Variants in SRGAP3 observed in about 807,000 individuals in gnomAD.
The protein encoded by SRGAP3 is SLIT-ROBO Rho GTPase activating protein 3.
SRGAP3 carries 39 observed loss-of-function variants against 121.1 expected under a neutral mutation model. The ratio of observed to expected loss-of-function variants is 0.32; its 90% CI spans 0.25 to 0.42. The LOEUF (loss-of-function observed/expected upper bound fraction) is 0.42, where lower values mean the gene tolerates loss of function less well. Among genes scored for constraint, SRGAP3 ranks in the 10% least tolerant of loss-of-function variants. The probability of loss-of-function intolerance (pLI) is 1.00; values close to 1 mark genes in which losing one functional copy is unlikely to be tolerated. For synonymous variants in SRGAP3, 601 were observed against 570.0 expected, an observed-to-expected ratio of 1.05 and a Z score of -0.77; for missense variants, 1,213 against 1,470.6, an observed-to-expected ratio of 0.82 and a Z score of 2.86.
chr3:9,159,011 T>C (rs190130142), intron 1 of SRGAP3, among the ~76,000 whole-genome samples: 1 of 152,310 alleles, frequency 6.6e-6, no homozygotes, highest in Non-Finnish European at 1.5e-5. Context: ...ATGCCTGAGA[T>C]GGAGCTCCTC....
rs772464444 is a variant in SRGAP3 at position 8,985,787 on chromosome 3, C to G, written c.3032G>C (p.Ser1011Thr). 4 of 1,600,344 alleles carry G rather than the reference C, an allele frequency of 2.5e-6. No homozygotes were observed. Among genetic ancestry groups the G allele is most frequent in the Non-Finnish European group, 3.4e-6 (4 of 1,179,840 alleles). ...PPGPVSSEPASPLHTIVIRDP... is the reference protein window; with the variant it reads ...PPGPVSSEPATPLHTIVIRDP... ...GCGGATGACGATGGTGTGAAGGGGA[C>G]TGGCGGGCTCCGAGCTGACGGGGCC... The change falls in exon 22 of 22, where the codon AGT (serine) becomes ACT (threonine). Residue 1011 changes from serine to threonine, a missense_variant. Coordinates refer to ENST00000383836, the MANE Select transcript of SRGAP3 (RefSeq NM_014850.4). This position sits in a 1 kb window ranked among gnomAD's most constrained non-coding sequence, Gnocchi z 5.1.
intron 11 of SRGAP3, chr3:9,035,047 G>C (rs1263450193): frequency 6.6e-6 from 1 of 152,000 alleles, no homozygotes; most frequent in Non-Finnish European, 1.5e-5. Context: ...GAAGAAACTT[G>C]CCTAAGGTCA....
intron 2 of SRGAP3, among the ~76,000 whole-genome samples, chr3:9,111,767 T>C (rs1029351688): frequency 1.3e-5 from 2 of 152,186 alleles, no homozygotes; most frequent in Admixed American, 6.5e-5. Context: ...TGCAGCCTCA[T>C]TTTTGGAAGA....
chr3:9,041,042 A>C (rs1559982624), intron 10 of SRGAP3, among the ~76,000 whole-genome samples: 1 of 152,256 alleles, frequency 6.6e-6, no homozygotes, highest in South Asian at 2.1e-4. Flanking sequence ...TGAATGAACA[A>C]GTGCTCTATC....
In SRGAP3 at chr3:9,058,570, A is replaced by G. The variant is rs1945952799; in HGVS notation, c.802-98T>C. 5 of 1,277,958 alleles carry G rather than the reference A, an allele frequency of 3.9e-6. No homozygotes were observed. The Admixed American group carries it at 8.9e-5, about 23-fold the overall frequency. The allele number at this position is 1,277,958 out of a possible 1,614,324, so 79.2% of individuals were successfully genotyped here. A position where few individuals can be genotyped will look rare whatever the true frequency, so the allele number is the denominator to read the frequency against. ...GTGACTTACAATTACCTCCCTTTCC[A>G]CAGCCGAATCTTCCATCCCGGAGGC... On this transcript the variant is annotated intron_variant, in intron 6 of 21. Transcript: ENST00000383836.
chr3:9,027,443 CA>C (rs2125075063), intron 12 of SRGAP3, among the ~76,000 whole-genome samples: 1 of 152,238 alleles, frequency 6.6e-6, no homozygotes, highest in African/African-American at 2.4e-5. Flanking sequence ...AAGGGCACAC[CA>C]GGGGGGAAGC....
At chr3:9,203,595 G>A (rs1325394206) in intron 1 of SRGAP3, among the ~76,000 whole-genome samples, 1 of 152,072 alleles carries the variant, frequency 6.6e-6, no homozygotes, top group East Asian at 1.9e-4. Context: ...CACCCTTACT[G>A]CAGCTGCTAC....
At chr3:9,318,756 G>A (rs1034611821) in intron 3 of SRGAP3, among the ~76,000 whole-genome samples, 1 of 151,526 alleles carries the variant, frequency 6.6e-6, no homozygotes, top group Admixed American at 6.6e-5. Context: ...GCATGTGCCT[G>A]TAGTTGTAGC....
chr3:9,335,674 C>T (rs547212720), intron 1 of SRGAP3, among the ~76,000 whole-genome samples: 2 of 152,154 alleles, frequency 1.3e-5, no homozygotes, highest in Admixed American at 6.5e-5. Flanking sequence ...CACCCCAGAC[C>T]TACTGATTCT....
At chr3:9,199,045 C>T (rs1484123221) in intron 1 of SRGAP3, among the ~76,000 whole-genome samples, 2 of 152,114 alleles carry the variant, frequency 1.3e-5, no homozygotes, top group East Asian at 3.9e-4. Context: ...TCCTTCCTGT[C>T]CCCATCCAAT....
chr3:8,986,315 G>C (rs1941704927), intron 21 of SRGAP3, among the ~76,000 whole-genome samples: 2 of 152,170 alleles, frequency 1.3e-5, no homozygotes, highest in Non-Finnish European at 2.9e-5. Flanking sequence ...GGACCTCAGG[G>C]AGTTGATGAG....
At chr3:9,065,770 G>A (rs1460515330) in intron 4 of SRGAP3, among the ~76,000 whole-genome samples, 1 of 152,096 alleles carries the variant, frequency 6.6e-6, no homozygotes, top group East Asian at 1.9e-4. Flanking sequence ...ATAGTTTTTA[G>A]CTATTTTTGA....
rs774571658 is a variant in SRGAP3, at chr3:8,985,785, G to T, written c.3034C>A (p.Pro1012Thr). 1 of 1,600,390 alleles carries T rather than the reference G, an allele frequency of 6.2e-7. No homozygotes were observed. The highest frequency in any genetic ancestry group is 8.5e-7 in the Non-Finnish European group (1 of 1,179,858). ...TCGCGGATGACGATGGTGTGAAGGG[G>T]ACTGGCGGGCTCCGAGCTGACGGGG... ...PGPVSSEPAS[P>T]LHTIVIRDPD... The change falls in exon 22 of 22, where the codon CCC (proline) becomes ACC (threonine). Residue 1012 changes from proline (P) to threonine (T), a missense_variant. Pro to Thr is a conservative substitution (Grantham distance 38). Coordinates refer to ENST00000383836, the MANE Select transcript of SRGAP3 (RefSeq NM_014850.4). The surrounding 1 kb of genome is among the most constrained non-coding windows in gnomAD (Gnocchi z 5.1).
At chr3:9,258,609 G>A (rs1272566523) in intron 3 of SRGAP3, among the ~76,000 whole-genome samples, 1 of 152,158 alleles carries the variant, frequency 6.6e-6, no homozygotes, top group Admixed American at 6.5e-5. Context: ...ATGATGCCAC[G>A]TACCATCATA....
intron 3 of SRGAP3, among the ~76,000 whole-genome samples, chr3:9,281,464 C>T (rs561144675): frequency 6.6e-6 from 1 of 152,086 alleles, no homozygotes; most frequent in South Asian, 2.1e-4. Context: ...ATAAGGATCC[C>T]CTCTTGGTTG....
At chr3:8,993,113 C>A in intron 19 of SRGAP3, 58 bp from the exon 20 acceptor site, 3 of 1,608,214 alleles carry the variant, frequency 1.9e-6, no homozygotes, top group Non-Finnish European at 2.5e-6. Context: ...CCAGCATATA[C>A]AGAGCTCCCT....
chr3:9,278,056 G>A (rs11131164), intron 3 of SRGAP3, among the ~76,000 whole-genome samples: 21,764 of 152,204 alleles, frequency 0.14, 1,723 homozygotes, highest in South Asian at 0.19. Flanking sequence ...AGGCATCTTG[G>A]TCTTGGACTT....
chr3:9,156,624 G>A (rs1478499636), intron 1 of SRGAP3, among the ~76,000 whole-genome samples: 1 of 152,196 alleles, frequency 6.6e-6, no homozygotes. Context: ...AGCCTGGTTT[G>A]GGACTCTGCC....
In SRGAP3 at chr3:9,108,447, G is replaced by A. The variant is rs916594395; in HGVS notation, c.261-3605C>T. On this transcript the variant is annotated intron_variant, in intron 2 of 21. Coordinates refer to ENST00000383836, the MANE Select transcript of SRGAP3 (RefSeq NM_014850.4). ...AGCCTGGGCAACATAGCAAGACTCCGTCTCTACAAAAAATTTAAAAATTAG... is the reference window on the plus strand; with the variant it reads ...AGCCTGGGCAACATAGCAAGACTCCATCTCTACAAAAAATTTAAAAATTAG... 5.3e-5 allele frequency among the ~76,000 whole-genome samples: 8 copies of A among 151,986 alleles called. No homozygotes were observed. The East Asian group carries it at 5.8e-4, about 11-fold the overall frequency.
Sources: allele counts gnomAD v4.1 joint callset (sites outside exome capture counted in the v4.1 genomes callset), GRCh38; gene constraint gnomAD v4.1.1; non-coding constraint Gnocchi (gnomAD v3.1); transcripts MANE v1.5; gene names NCBI Gene and HGNC (gene_info 2026-07-23, HGNC 2026-07-21).